The following COL4A2 variants were observed in gnomAD, a reference collection of about 807,000 sequenced individuals.
COL4A2 encodes collagen type IV alpha 2 chain.
In COL4A2, 99 loss-of-function variants were observed where a neutral mutation model predicts 200.2. The ratio of observed to expected loss-of-function variants is 0.49; its 90% CI spans 0.42 to 0.58. The LOEUF is 0.58. Ranked by LOEUF, COL4A2 falls within the 20% of genes least tolerant of loss-of-function variation. COL4A2 has a pLI of 0.00. For synonymous variants in COL4A2, 897 were observed against 900.6 expected, an observed-to-expected ratio of 1.00 and a Z score of 0.07; for missense variants, 1,950 against 2,314.1, an observed-to-expected ratio of 0.84 and a Z score of 3.23.
At chr13:110,335,100 G>C (rs976071770) in intron 3 of COL4A2, among the ~76,000 whole-genome samples, 2 of 152,046 alleles carry the variant, frequency 1.3e-5, no homozygotes, top group African/African-American at 2.4e-5. Context: ...TCTCATCCCT[G>C]GGCTTCTCCT....
At chr13:110,446,011 G>C in intron 17 of COL4A2, 129 bp downstream of exon 17, 1 of 945,406 alleles carries the variant, frequency 1.1e-6, no homozygotes. Flanking sequence ...CAAATACACG[G>C]CCTCTGACAC....
At chr13:110,397,688 G>A (rs1458560629) in intron 4 of COL4A2, among the ~76,000 whole-genome samples, 1 of 152,176 alleles carries the variant, frequency 6.6e-6, no homozygotes, top group African/African-American at 2.4e-5. Context: ...TCTGAGACGG[G>A]CGTGTCAGCC....
chr13:110,336,031 C>T (rs1201484881), intron 3 of COL4A2, among the ~76,000 whole-genome samples: 6 of 152,226 alleles, frequency 3.9e-5, no homozygotes, highest in Non-Finnish European at 8.8e-5. Context: ...TCTAACCCAC[C>T]TTTCCCCCCA....
At chr13:110,450,118 G>A (rs763828071) in intron 19 of COL4A2, among the ~76,000 whole-genome samples, 187 bp from the exon 20 acceptor site, 1 of 152,208 alleles carries the variant, frequency 6.6e-6, no homozygotes, top group Non-Finnish European at 1.5e-5. Context: ...TATTTGAGGG[G>A]CAAGGAGAGG....
At chr13:110,455,090 C>T (rs1881674592) in intron 20 of COL4A2, among the ~76,000 whole-genome samples, 2 of 152,194 alleles carry the variant, frequency 1.3e-5, no homozygotes, top group Admixed American at 1.3e-4. Context: ...CCACCACCAC[C>T]GCCCGCGTAG....
At chr13:110,382,349 T>C (rs1207260756) in intron 4 of COL4A2, among the ~76,000 whole-genome samples, 1 of 152,208 alleles carries the variant, frequency 6.6e-6, no homozygotes, top group African/African-American at 2.4e-5. Context: ...AAAACAAGAC[T>C]TGCAAGACTT....
intron 14 of COL4A2, 36 bp from the exon 15 acceptor site, chr13:110,438,582 T>C: frequency 1.2e-6 from 2 of 1,613,994 alleles, no homozygotes; most frequent in Non-Finnish European, 1.7e-6. Context: ...GGGCCGCCCC[T>C]GGGTTGCTCC....
chr13:110,411,409 A>G (rs1166792763), intron 4 of COL4A2, among the ~76,000 whole-genome samples: 2 of 152,184 alleles, frequency 1.3e-5, no homozygotes, highest in Non-Finnish European at 2.9e-5. Context: ...GTGTGTTACT[A>G]CTTCAGAGTA....
intron 4 of COL4A2, among the ~76,000 whole-genome samples, chr13:110,415,469 GA>G (rs1171342050): frequency 6.6e-6 from 1 of 152,050 alleles, no homozygotes; most frequent in African/African-American, 2.4e-5. Flanking sequence ...GATAAGAGGG[GA>G]AAAAAGCTGT....
intron 4 of COL4A2, among the ~76,000 whole-genome samples, chr13:110,404,999 CA>C (rs1879509950): frequency 6.6e-6 from 1 of 152,228 alleles, no homozygotes; most frequent in Non-Finnish European, 1.5e-5. Flanking sequence ...CCTGTAGTCT[CA>C]GCTACTCAGA....
intron 13 of COL4A2, among the ~76,000 whole-genome samples, chr13:110,437,459 G>A (rs916477061): frequency 5.3e-5 from 8 of 152,178 alleles, no homozygotes; most frequent in Non-Finnish European, 1.0e-4. Flanking sequence ...CAGAAATGAC[G>A]GGGACAAAGG....
At chr13:110,357,759 G>C (rs1407563855) in intron 4 of COL4A2, among the ~76,000 whole-genome samples, 1 of 152,142 alleles carries the variant, frequency 6.6e-6, no homozygotes, top group Admixed American at 6.5e-5. Flanking sequence ...CTACAAACCT[G>C]TACGTAGGCA....
chr13:110,438,224 CT>C (rs1880973393), intron 14 of COL4A2, among the ~76,000 whole-genome samples, 187 bp downstream of exon 14: 1 of 152,252 alleles, frequency 6.6e-6, no homozygotes, highest in Non-Finnish European at 1.5e-5. Flanking sequence ...TCTAGAATTT[CT>C]TCCTCTTGGC....
rs1267761084 is a variant in COL4A2 at position 110,503,496 on chromosome 13, G to A, written c.4138+15G>A. On this transcript the variant is annotated intron_variant, in intron 43 of 47. Coordinates refer to ENST00000360467, the MANE Select transcript of COL4A2 (RefSeq NM_001846.4). ...AGGATTCCCTGGTAAGTGACCGTCTGGTATCTTCAGAGCTAGTGGCTCAGC... is the reference window on the plus strand; with the variant it reads ...AGGATTCCCTGGTAAGTGACCGTCTAGTATCTTCAGAGCTAGTGGCTCAGC... 8.1e-6 allele frequency: 12 copies of A among 1,481,238 alleles called. No homozygotes were observed. The highest frequency in any genetic ancestry group is 1.1e-5 in the Non-Finnish European group (12 of 1,088,576). The allele number at this position is 1,481,238 out of a possible 1,614,324, so 91.8% of individuals were successfully genotyped here.
intron 15 of COL4A2, among the ~76,000 whole-genome samples, chr13:110,439,444 A>C (rs1298633126): frequency 6.6e-6 from 1 of 152,210 alleles, no homozygotes; most frequent in Non-Finnish European, 1.5e-5. Flanking sequence ...TATTGCTAAA[A>C]TGATGTGTCT....
intron 3 of COL4A2, among the ~76,000 whole-genome samples, chr13:110,311,662 G>A (rs1884986464): frequency 1.3e-5 from 2 of 152,208 alleles, no homozygotes; most frequent in Non-Finnish European, 2.9e-5. Context: ...CCCCTCGGCT[G>A]CCTATTCTAA....
chr13:110,504,842 G>A (rs995498641), intron 45 of COL4A2, among the ~76,000 whole-genome samples: 1 of 151,882 alleles, frequency 6.6e-6, no homozygotes, highest in Non-Finnish European at 1.5e-5. Flanking sequence ...TCCTGACCTC[G>A]AGCGATCCGC....
chr13:110,405,502 C>T (rs865871903), intron 4 of COL4A2, among the ~76,000 whole-genome samples: 8 of 151,960 alleles, frequency 5.3e-5, no homozygotes, highest in South Asian at 2.1e-4. Context: ...CTCCATCACC[C>T]GACGTTTTCC....
At chr13:110,377,857 T>C (rs952264083) in intron 4 of COL4A2, among the ~76,000 whole-genome samples, 4 of 152,222 alleles carry the variant, frequency 2.6e-5, no homozygotes, top group Non-Finnish European at 5.9e-5. Flanking sequence ...ATCACAAGTA[T>C]ATTTCAACAG....
Sources: gnomAD v4.1 joint callset for allele counts (sites outside exome capture counted in the v4.1 genomes callset) on GRCh38, gnomAD v4.1.1 for gene constraint, MANE v1.5 for transcripts, NCBI Gene and HGNC (gene_info 2026-07-23, HGNC 2026-07-21) for gene names.